Variants in LARS1 observed in about 807,000 individuals in gnomAD.
The protein encoded by LARS1 is leucine--tRNA ligase, cytoplasmic.
In LARS1, 100 loss-of-function variants were observed where a neutral mutation model predicts 162.8. That is an observed-to-expected ratio of 0.61 (90% CI 0.52 to 0.73). The LOEUF is 0.73. LARS1 is among the 30% of genes least tolerant of loss of function. The pLI is 0.00. For synonymous variants in LARS1, 457 were observed against 462.8 expected (o/e 0.99, Z 0.16); for missense variants, 1,258 against 1,408.9 (o/e 0.89, Z 1.71).
rs181751873 is a variant in LARS1, at chr5:146,158,625, T to C, written c.771+782A>G. On this transcript the variant is annotated intron_variant, in intron 8 of 31. Coordinates refer to ENST00000394434, the MANE Select transcript of LARS1 (RefSeq NM_020117.11). ...ACTTCTAGGCATGGCTAGAATTACT[T>C]TGGAAATAAGCAAGAAGGCACATGA... 1.5e-3 allele frequency among the ~76,000 whole-genome samples: 227 copies of C among 152,292 alleles called. 1 individual carries two copies. Among genetic ancestry groups the C allele is most frequent in the African/African-American group, 5.1e-3 (214 of 41,562 alleles).
intron 15 of LARS1, among the ~76,000 whole-genome samples, chr5:146,145,598 T>C (rs1253992783): frequency 6.6e-6 from 1 of 152,236 alleles, no homozygotes; most frequent in Non-Finnish European, 1.5e-5. Flanking sequence ...ACGATGTTTT[T>C]GATTTCTTAC....
At chr5:146,161,560 C>T (rs1008836641) in intron 6 of LARS1, among the ~76,000 whole-genome samples, 17 of 152,180 alleles carry the variant, frequency 1.1e-4, no homozygotes, top group African/African-American at 4.1e-4. Context: ...GAAACCCCGT[C>T]TCTACTAAAA....
intron 13 of LARS1, 24 bp from the exon 14 acceptor site, chr5:146,152,026 CGTG>C (rs773814179): frequency 6.2e-7 from 1 of 1,612,520 alleles, no homozygotes; most frequent in Non-Finnish European, 8.5e-7. Context: ...CAATCAGGAA[CGTG>C]TTCACACTGA....
intron 8 of LARS1, 121 bp from the exon 9 acceptor site, chr5:146,157,916 T>C (rs1201690874): frequency 1.2e-5 from 11 of 931,826 alleles, no homozygotes; most frequent in Non-Finnish European, 3.3e-6. Flanking sequence ...TAATTTTTTT[T>C]TGCAGAGAAG....
chr5:146,120,187 C>T (rs183768303), intron 31 of LARS1, 184 bp downstream of exon 31: 3 of 600,032 alleles, frequency 5.0e-6, no homozygotes, highest in African/African-American at 1.9e-5. Context: ...CATGGCAAAG[C>T]CACTAAGCTA....
At chr5:146,141,304 C>A (rs772118956) in intron 20 of LARS1, among the ~76,000 whole-genome samples, 1 of 151,984 alleles carries the variant, frequency 6.6e-6, no homozygotes, top group Non-Finnish European at 1.5e-5. Context: ...TATTAAAGAC[C>A]TTCCTCGAAA....
chr5:146,170,242 G>A (rs371797263), intron 4 of LARS1, among the ~76,000 whole-genome samples: 4 of 152,112 alleles, frequency 2.6e-5, no homozygotes, highest in African/African-American at 4.8e-5. Context: ...CAAGGCAGGC[G>A]GATCACCTAA....
rs1754279377 is a variant in LARS1 at position 146,171,569 on chromosome 5, A to T, written c.294+341T>A. Among the ~76,000 whole-genome samples the T allele has an allele frequency of 2.6e-5, 4 of 152,290 alleles. No individual in the cohort carries two copies. The South Asian group carries it at 8.3e-4, about 32-fold the overall frequency. ...ATACAATACAACTGTTTATTATTTT[A>T]TGCCGGCATCTTACATATGTCATAA... On this transcript the variant is annotated intron_variant, in intron 4 of 31. Coordinates refer to ENST00000394434, the MANE Select transcript of LARS1 (RefSeq NM_020117.11).
chr5:146,167,806 G>A (rs939522267), intron 5 of LARS1, among the ~76,000 whole-genome samples: 2 of 151,936 alleles, frequency 1.3e-5, no homozygotes, highest in African/African-American at 4.8e-5. Flanking sequence ...TGGGATTACA[G>A]GCGTGAGCCA....
chr5:146,132,248 T>C (rs1752318336), intron 23 of LARS1: 1 of 151,854 alleles, frequency 6.6e-6, no homozygotes, highest in Non-Finnish European at 1.5e-5. Flanking sequence ...GAGGCTGCAG[T>C]GAGCTGAGAT....
Position 146,130,109 on chromosome 5 carries a change from T to C in LARS1, c.2537A>G (p.Glu846Gly), listed in dbSNP as rs1752214145. The C allele has an allele frequency of 6.2e-7, 1 of 1,613,916 alleles. No individual in the cohort carries two copies. The highest frequency in any genetic ancestry group is 2.2e-5 in the East Asian group (1 of 44,868). The change falls in exon 25 of 32, where the codon GAA becomes GGA. Residue 846 changes from glutamate (E) to glycine (G), a missense_variant. Coordinates refer to ENST00000394434, the MANE Select transcript of LARS1 (RefSeq NM_020117.11). ...RELAVEGMHR[E>G]LVFRFIEVQT... ...AACTTCAATAAACCGGAACACAAGT[T>C]CTCTGTGCATCCCTTCCACAGCCAA...
chr5:146,141,931 C>A (rs1752796493), intron 20 of LARS1, among the ~76,000 whole-genome samples: 1 of 152,128 alleles, frequency 6.6e-6, no homozygotes, highest in Non-Finnish European at 1.5e-5. Flanking sequence ...GAGGCCAAGG[C>A]GGGTGGATCA....
chr5:146,126,222 C>T (rs1283857032), intron 28 of LARS1, among the ~76,000 whole-genome samples: 1 of 151,962 alleles, frequency 6.6e-6, no homozygotes, highest in Admixed American at 6.6e-5. Context: ...CATTCTAAAC[C>T]AATTTTTCTC....
chr5:146,133,946 G>A (rs1304502730), intron 22 of LARS1, among the ~76,000 whole-genome samples: 1 of 152,194 alleles, frequency 6.6e-6, no homozygotes, highest in Non-Finnish European at 1.5e-5. Context: ...TTGGATTCAA[G>A]CAATTCTACT....
At chr5:146,130,831 C>A (rs1407570429) in intron 24 of LARS1, 188 bp downstream of exon 24, 2 of 439,140 alleles carry the variant, frequency 4.6e-6, no homozygotes, top group East Asian at 3.5e-5. Context: ...TAAATGGACA[C>A]AATAGAAAAA....
Position 146,153,637 on chromosome 5 carries a change from T to C in LARS1, c.1230+97A>G, listed in dbSNP as rs1219974540. 5 of 861,854 alleles carry C rather than the reference T, an allele frequency of 5.8e-6. No homozygotes were observed. In the African/African-American group the frequency reaches 8.4e-5, roughly 15 times the overall value. 53.4% of individuals were successfully genotyped at this position (861,854 alleles called of 1,614,324 possible). ...TTAGAGATAGCAGTTTAAAGATAAA[T>C]GCATAGCTTTTTAGCCTAGTCCCAC... On this transcript the variant is annotated intron_variant, in intron 12 of 31. Transcript: ENST00000394434.
intron 31 of LARS1, among the ~76,000 whole-genome samples, chr5:146,117,371 A>G (rs563861866): frequency 2.0e-5 from 3 of 152,274 alleles, no homozygotes; most frequent in East Asian, 1.9e-4. Context: ...GCACTTTGGG[A>G]GGCCGAGACA....
chr5:146,157,987 G>A (rs564340216), intron 8 of LARS1, among the ~76,000 whole-genome samples, 192 bp from the exon 9 acceptor site: 5 of 152,068 alleles, frequency 3.3e-5, no homozygotes, highest in Non-Finnish European at 7.4e-5. Flanking sequence ...GGAGAGATTT[G>A]GAGTAATCGC....
chr5:146,134,932 G>C (rs971612163), intron 22 of LARS1, among the ~76,000 whole-genome samples: 1 of 152,196 alleles, frequency 6.6e-6, no homozygotes, highest in African/African-American at 2.4e-5. Context: ...CTGGGTGACA[G>C]AGCAAGACTC....
Sources: gnomAD v4.1 joint callset for allele counts (sites outside exome capture counted in the v4.1 genomes callset) on GRCh38, gnomAD v4.1.1 for gene constraint, MANE v1.5 for transcripts, NCBI Gene and HGNC (gene_info 2026-07-23, HGNC 2026-07-21) for gene names.